The following SLC20A2 variants were observed in gnomAD, a reference collection of about 807,000 sequenced individuals.
The protein encoded by SLC20A2 is solute carrier family 20 member 2, also known as sodium-dependent phosphate transporter 2.
SLC20A2 carries 30 observed loss-of-function variants against 61.0 expected under a neutral mutation model. The ratio of observed to expected loss-of-function variants is 0.49; its 90% CI spans 0.37 to 0.67. The LOEUF (loss-of-function observed/expected upper bound fraction) is 0.67, where lower values mean the gene tolerates loss of function less well. Among genes scored for constraint, SLC20A2 ranks in the 30% least tolerant of loss-of-function variants. The probability of loss-of-function intolerance (pLI) is 0.00; values close to 1 mark genes in which losing one functional copy is unlikely to be tolerated. For synonymous variants in SLC20A2, 351 were observed against 353.3 expected, an observed-to-expected ratio of 0.99 and a Z score of 0.07; for missense variants, 626 against 866.4, an observed-to-expected ratio of 0.72 and a Z score of 3.48.
In SLC20A2 at chr8:42,430,121, C is replaced by T. The variant is rs765109519; in HGVS notation, c.1652G>A (p.Trp551Ter). Residue 551 changes from tryptophan (W) to a stop codon, truncating the protein, a stop_gained, in exon 9 of 11, where the codon TGG (tryptophan) becomes TAG (stop). Transcript: ENST00000520262. LOFTEE classifies it high-confidence loss of function. The part of the protein sequence containing the change: ...GVGICTGLWV[W>*]GRRVIQTMGK... ...CATGGTCTGGATCACTCTTCTCCCC[C>T]AGACCCAGAGGCCTGTGCAGATTCC... 1 of 1,613,948 alleles carries T rather than the reference C, an allele frequency of 6.2e-7. No homozygotes were observed. Among genetic ancestry groups the T allele is most frequent in the Non-Finnish European group, 8.5e-7 (1 of 1,179,946 alleles).
chr8:42,533,128 T>A (rs1178781449), intron 1 of SLC20A2, among the ~76,000 whole-genome samples: 2 of 152,194 alleles, frequency 1.3e-5, no homozygotes, highest in African/African-American at 4.8e-5. Flanking sequence ...CTTCATTAAA[T>A]TAAAAATATG....
At chr8:42,482,511 C>T (rs1328265675) in intron 1 of SLC20A2, among the ~76,000 whole-genome samples, 6 of 152,084 alleles carry the variant, frequency 3.9e-5, no homozygotes, top group African/African-American at 9.7e-5. Context: ...CCTGCAATCC[C>T]GTCAAGGTGG....
In SLC20A2 at chr8:42,506,539, C is replaced by T. The variant is rs907938341; in HGVS notation, c.-264-33885G>A. 5.3e-5 allele frequency among the ~76,000 whole-genome samples: 8 copies of T among 152,064 alleles called. 1 individual carries two copies. The South Asian group carries it at 8.3e-4, about 16-fold the overall frequency. On this transcript the variant is annotated intron_variant, in intron 1 of 10. Transcript: ENST00000342228. ...GGCAATTTGGGATATTTACTGAGTG[C>T]GGATTAAAGGCTCCCTGTTTTTATA...
chr8:42,531,719 A>G (rs968560697), intron 1 of SLC20A2, among the ~76,000 whole-genome samples: 4 of 152,206 alleles, frequency 2.6e-5, no homozygotes, highest in Admixed American at 2.0e-4. Flanking sequence ...GCATTCTGAC[A>G]CTATTACAGT....
At chr8:42,433,902 G>A (rs990810500) in intron 8 of SLC20A2, among the ~76,000 whole-genome samples, 1 of 152,156 alleles carries the variant, frequency 6.6e-6, no homozygotes, top group Admixed American at 6.5e-5. Flanking sequence ...CATAGGGGAG[G>A]TCTGTTTAAT....
At chr8:42,480,160 G>T (rs1808449981) in intron 1 of SLC20A2, among the ~76,000 whole-genome samples, 1 of 152,180 alleles carries the variant, frequency 6.6e-6, no homozygotes. Flanking sequence ...CATGACACTG[G>T]AACACAGTGA....
intron 10 of SLC20A2, among the ~76,000 whole-genome samples, chr8:42,418,345 T>G (rs1001644900): frequency 6.6e-6 from 1 of 152,070 alleles, no homozygotes; most frequent in Admixed American, 6.6e-5. Flanking sequence ...TTTCATATTT[T>G]TAGTAGAGAC....
At chr8:42,531,634 C>G (rs1812326316) in intron 1 of SLC20A2, among the ~76,000 whole-genome samples, 1 of 152,136 alleles carries the variant, frequency 6.6e-6, no homozygotes, top group African/African-American at 2.4e-5. Context: ...GCTACAACTA[C>G]AGGGTCCAGA....
chr8:42,481,537 A>T (rs1036532042), intron 1 of SLC20A2, among the ~76,000 whole-genome samples: 1 of 152,084 alleles, frequency 6.6e-6, no homozygotes, highest in African/African-American at 2.4e-5. Context: ...TAATAAAGAG[A>T]ATGGACTCAC....
At chr8:42,460,069 A>G (rs1806580127) in intron 4 of SLC20A2, 77 bp from the exon 5 acceptor site, 1 of 805,082 alleles carries the variant, frequency 1.2e-6, no homozygotes, top group African/African-American at 1.7e-5. Context: ...AAAATGATAC[A>G]AAATACTGTT....
At position 42,428,677 on chromosome 8, in the gene SLC20A2, C is replaced by T. The variant is rs1021745599; in HGVS notation, c.1794+81G>A. On this transcript the variant is annotated intron_variant, in intron 10 of 10. Transcript: ENST00000520262. The stretch of plus-strand genomic sequence containing the variant: ...TTGCACAACCATCTACAGAGCCCTA[C>T]AGCTTCCCTTGCATGCGCTCCGGTG... 25 of 1,269,824 alleles carry T rather than the reference C, an allele frequency of 2.0e-5. No individual in the cohort carries two copies. In the Admixed American group the frequency reaches 2.0e-4, roughly 10 times the overall value. 78.7% of individuals were successfully genotyped at this position (1,269,824 alleles called of 1,614,324 possible).
intron 5 of SLC20A2, among the ~76,000 whole-genome samples, chr8:42,455,503 AC>A (rs1806128216): frequency 6.6e-6 from 1 of 151,780 alleles, no homozygotes; most frequent in East Asian, 2.0e-4. Context: ...TACTAAAAAT[AC>A]AAAAAATTAG....
intron 1 of SLC20A2, among the ~76,000 whole-genome samples, chr8:42,477,156 A>G (rs530820264): frequency 8.9e-4 from 136 of 152,338 alleles, no homozygotes; most frequent in Non-Finnish European, 1.5e-3. Context: ...TGCGGCATGT[A>G]TAAAATGGGA....
rs140968997 is a variant in SLC20A2, at chr8:42,527,200, G to A, written c.-265+14621C>T. 5.4e-4 allele frequency among the ~76,000 whole-genome samples: 82 copies of A among 151,356 alleles called. 1 individual carries two copies. The East Asian group carries it at 0.013, about 23-fold the overall frequency. ...GCGGGCAGATCACCAGGTCAGGAGT[G>A]CGAGACCAGGCTTACCAACATGGTG... On this transcript the variant is annotated intron_variant, in intron 1 of 10. Coordinates refer to the SLC20A2 transcript ENST00000342228.
chr8:42,475,271 T>C (rs1435045751), intron 1 of SLC20A2, among the ~76,000 whole-genome samples: 1 of 152,046 alleles, frequency 6.6e-6, no homozygotes, highest in African/African-American at 2.4e-5. Flanking sequence ...TACTAATTTT[T>C]AAATTTTTTG....
intron 10 of SLC20A2, among the ~76,000 whole-genome samples, chr8:42,427,449 G>A (rs1237893033): frequency 6.6e-6 from 1 of 152,206 alleles, no homozygotes; most frequent in Non-Finnish European, 1.5e-5. Flanking sequence ...CTCCTCACCT[G>A]TGGACTGGGA....
intron 1 of SLC20A2, among the ~76,000 whole-genome samples, chr8:42,519,849 T>C (rs921957751): frequency 8.5e-5 from 13 of 152,102 alleles, no homozygotes; most frequent in African/African-American, 9.7e-5. Flanking sequence ...TAATTTATCA[T>C]GTATAATTAG....
chr8:42,427,848 G>A (rs147282783), intron 10 of SLC20A2, among the ~76,000 whole-genome samples: 30 of 152,238 alleles, frequency 2.0e-4, no homozygotes, highest in Middle Eastern at 3.4e-3. Context: ...TGTTTTGAGG[G>A]CTCATATATT....
upstream of SLC20A2, among the ~76,000 whole-genome samples, chr8:42,504,884 A>AAAAAAAAAAAAC (rs1563532323): frequency 6.9e-6 from 1 of 144,104 alleles, no homozygotes; most frequent in Non-Finnish European, 1.5e-5. Flanking sequence ...AAAAAAAAAA[A>AAAAAAAAAAAAC]AAGGCATGTT....
Sources: gnomAD v4.1 joint callset for allele counts (sites outside exome capture counted in the v4.1 genomes callset) on GRCh38, gnomAD v4.1.1 for gene constraint, MANE v1.5 for transcripts, NCBI Gene and HGNC (gene_info 2026-07-23, HGNC 2026-07-21) for gene names.